NOL4: variants seen among roughly 807,000 people sequenced by gnomAD.
NOL4 encodes nucleolar protein 4.
In NOL4, 17 loss-of-function variants were observed where a neutral mutation model predicts 75.9. That is an observed-to-expected ratio of 0.22 (90% confidence interval 0.15 to 0.34). The LOEUF is 0.34. NOL4 is among the 10% of genes least tolerant of loss of function. The probability of loss-of-function intolerance (pLI) is 1.00; values close to 1 mark genes in which losing one functional copy is unlikely to be tolerated. For synonymous variants in NOL4, 292 were observed against 289.9 expected (o/e 1.01, Z -0.07); for missense variants, 614 against 793.5 (o/e 0.77, Z 2.72).
chr18:33,927,985 C>T (rs931721820), intron 9 of NOL4, among the ~76,000 whole-genome samples: 2 of 152,054 alleles, frequency 1.3e-5, no homozygotes, highest in African/African-American at 4.8e-5. Context: ...TTCTCTAATA[C>T]ACATATATTG....
At chr18:33,934,176 G>A (rs958846467) in intron 9 of NOL4, among the ~76,000 whole-genome samples, 2 of 151,986 alleles carry the variant, frequency 1.3e-5, no homozygotes, top group East Asian at 3.9e-4. Context: ...TGAGCAGTAG[G>A]CCTCAACAGT....
rs35251455 is a variant in NOL4 at position 33,877,437 on chromosome 18, TA to T, written c.1723+5806del. ...TAGGTAACACAGGGAGACCTTGCCT[TA>T]AAAAAAAAAAAAAAAAAAAAAGAGC... On this transcript the variant is annotated intron_variant, in intron 10 of 10. Coordinates refer to ENST00000261592, the MANE Select transcript of NOL4 (RefSeq NM_003787.5). Among the ~76,000 whole-genome samples, 956 of 106,230 alleles carry T rather than the reference TA, an allele frequency of 9.0e-3. 4 individuals are homozygous for T. Among genetic ancestry groups the T allele is most frequent in the Middle Eastern group, 0.027 (5 of 184 alleles). The allele number at this position is 106,230 out of a possible 152,430, so 69.7% of individuals were successfully genotyped here. A position where few individuals can be genotyped will look rare whatever the true frequency, so the allele number is the denominator to read the frequency against.
intron 1 of NOL4, among the ~76,000 whole-genome samples, chr18:34,132,745 A>T (rs2080712825): frequency 6.6e-6 from 1 of 151,922 alleles, no homozygotes. Flanking sequence ...GCAAAAAAAA[A>T]AAAAAAGTAA....
intron 1 of NOL4, 31 bp downstream of exon 1, chr18:34,222,959 G>GACAAA: frequency 6.3e-7 from 1 of 1,598,358 alleles, no homozygotes; most frequent in Non-Finnish European, 8.5e-7. Flanking sequence ...TGCTCCGGCA[G>GACAAA]ACAAATAACA....
chr18:33,922,119 G>A (rs1004061999), intron 9 of NOL4, among the ~76,000 whole-genome samples: 3 of 152,188 alleles, frequency 2.0e-5, no homozygotes, highest in Admixed American at 6.5e-5. Flanking sequence ...GCAGGACCAA[G>A]AGATCTCTGA....
chr18:34,111,004 A>C (rs528999067), intron 2 of NOL4, among the ~76,000 whole-genome samples: 18 of 152,280 alleles, frequency 1.2e-4, no homozygotes, highest in African/African-American at 4.3e-4. Flanking sequence ...GAAAACTATA[A>C]AAAAGAAAGA....
At chr18:34,101,907 C>G (rs57925307) in intron 4 of NOL4, among the ~76,000 whole-genome samples, 2,007 of 152,124 alleles carry the variant, frequency 0.013, 49 homozygotes, top group African/African-American at 0.046. Context: ...ATGTAAGACT[C>G]TATATAACTT....
At chr18:33,928,099 C>T (rs760787116) in intron 9 of NOL4, among the ~76,000 whole-genome samples, 14 of 152,122 alleles carry the variant, frequency 9.2e-5, no homozygotes, top group African/African-American at 2.4e-4. Context: ...AATGAATCCA[C>T]GTGGCATAAA....
Position 33,958,538 on chromosome 18 carries a change from A to T in NOL4, c.1057-120T>A, listed in dbSNP as rs879811376. On this transcript the variant is annotated intron_variant, in intron 6 of 10. Coordinates refer to ENST00000261592, the MANE Select transcript of NOL4 (RefSeq NM_003787.5). The stretch of plus-strand genomic sequence containing the variant: ...CTTGTTTATGAGTTGATAACTCTAG[A>T]GCTGTGGTGATTTTAGTTTAAATAA... 4.2e-6 allele frequency: 3 copies of T among 721,212 alleles called. No homozygotes were observed. The Admixed American group carries it at 9.4e-5, about 23-fold the overall frequency. 44.7% of individuals were successfully genotyped at this position (721,212 alleles called of 1,614,324 possible).
At chr18:33,970,010 C>CT (rs2070922278) in intron 6 of NOL4, among the ~76,000 whole-genome samples, 1 of 152,122 alleles carries the variant, frequency 6.6e-6, no homozygotes, top group Non-Finnish European at 1.5e-5. Context: ...GCCCAAAGGA[C>CT]TTGGTAAAAC....
intron 8 of NOL4, among the ~76,000 whole-genome samples, chr18:33,953,925 A>C (rs913126673): frequency 1.3e-5 from 2 of 152,148 alleles, no homozygotes; most frequent in Non-Finnish European, 2.9e-5. Context: ...AATGAGGAGG[A>C]ACAGAAACAA....
At chr18:34,157,697 A>T (rs2146139324) in intron 1 of NOL4, among the ~76,000 whole-genome samples, 1 of 152,300 alleles carries the variant, frequency 6.6e-6, no homozygotes, top group African/African-American at 2.4e-5. Flanking sequence ...GGACCTTCAA[A>T]TAGGTCAGAG....
intron 5 of NOL4, among the ~76,000 whole-genome samples, chr18:34,080,427 T>C (rs1009360256): frequency 1.3e-5 from 2 of 152,170 alleles, no homozygotes; most frequent in Non-Finnish European, 2.9e-5. Flanking sequence ...AACATTCTGT[T>C]GTAAATGACT....
At chr18:34,024,566 A>AAAC (rs1028575757) in intron 5 of NOL4, among the ~76,000 whole-genome samples, 4 of 151,818 alleles carry the variant, frequency 2.6e-5, no homozygotes, top group South Asian at 2.1e-4. Flanking sequence ...AAAACAAAAC[A>AAAC]AACAACAACA....
In NOL4 at chr18:34,131,053, T is replaced by G. The variant is rs12605178; in HGVS notation, c.265-1033A>C. Among the ~76,000 whole-genome samples the G allele has an allele frequency of 7.7e-3, 1,057 of 137,132 alleles. 12 individuals are homozygous for G. The highest frequency in any genetic ancestry group is 0.03 in the Middle Eastern group (8 of 270). The allele number at this position is 137,132 out of a possible 152,430, so 90.0% of individuals were successfully genotyped here. On this transcript the variant is annotated intron_variant, in intron 1 of 10. Transcript: ENST00000261592. ...CTGCTTGCAAACACACACATACACA[T>G]ACACACACACACATACACCGACACA...
chr18:34,143,947 A>T (rs2081295980), intron 1 of NOL4, among the ~76,000 whole-genome samples: 1 of 151,086 alleles, frequency 6.6e-6, no homozygotes, highest in South Asian at 2.1e-4. Context: ...GTCCTGACTT[A>T]TGTCATTTGC....
At chr18:33,977,186 C>G (rs1337253259) in intron 6 of NOL4, among the ~76,000 whole-genome samples, 1 of 152,110 alleles carries the variant, frequency 6.6e-6, no homozygotes, top group Non-Finnish European at 1.5e-5. Flanking sequence ...GAGGTAGATA[C>G]TATTACATTC....
chr18:33,855,811 ACTTCTTCATTTT>A lies in NOL4; in HGVS notation c.1724-2788_1724-2777del, dbSNP rs199544439. On this transcript the variant is annotated intron_variant, in intron 10 of 10. Coordinates refer to ENST00000261592, the MANE Select transcript of NOL4 (RefSeq NM_003787.5). Reference sequence around the variant, plus strand: ...AAATGAAAATGTATATTTTCATTTTACTTCTTCATTTTCTTTTTCTTCATTTTCTTTTTCAAA... The same window carrying A: ...AAATGAAAATGTATATTTTCATTTTACTTTTTCTTCATTTTCTTTTTCAAA... 2.6e-4 allele frequency among the ~76,000 whole-genome samples: 40 copies of A among 151,164 alleles called. No individual in the cohort carries two copies. In the East Asian group the frequency reaches 7.6e-3, roughly 29 times the overall value.
intron 1 of NOL4, among the ~76,000 whole-genome samples, chr18:34,215,784 T>C (rs1206368572): frequency 2.0e-5 from 3 of 152,162 alleles, no homozygotes. Context: ...CCTCTGCCCC[T>C]GAAAACCTGC....
Sources: allele counts gnomAD v4.1 joint callset (sites outside exome capture counted in the v4.1 genomes callset), GRCh38; gene constraint gnomAD v4.1.1; transcripts MANE v1.5; gene names NCBI Gene and HGNC (gene_info 2026-07-23, HGNC 2026-07-21).